The following LIMD1 variants were observed in gnomAD, a reference collection of about 807,000 sequenced individuals.
LIMD1 encodes LIM domain-containing protein 1.
In LIMD1, 23 loss-of-function variants were observed where a neutral mutation model predicts 58.4. The observed-to-expected ratio is 0.39, with a 90% CI of 0.28 to 0.56. LIMD1 has a LOEUF of 0.56. Ranked by LOEUF, LIMD1 falls within the 20% of genes least tolerant of loss-of-function variation. The probability of loss-of-function intolerance (pLI) is 0.57; values close to 1 mark genes in which losing one functional copy is unlikely to be tolerated. For synonymous variants in LIMD1, 334 were observed against 345.5 expected (o/e 0.97, Z 0.37); for missense variants, 838 against 855.5 (o/e 0.98, Z 0.25).
Position 45,655,935 on chromosome 3 carries a change from C to T in LIMD1, c.1511-9715C>T, listed in dbSNP as rs529167247. Reference sequence around the variant, plus strand: ...CCCTGGAAGGACTGAACGTTTATACCGCCCCCTCACAAATCCTTATGTTGA... The same window carrying T: ...CCCTGGAAGGACTGAACGTTTATACTGCCCCCTCACAAATCCTTATGTTGA... On this transcript the variant is annotated intron_variant, in intron 2 of 7. Coordinates refer to ENST00000273317, the MANE Select transcript of LIMD1 (RefSeq NM_014240.3). 9.9e-5 allele frequency among the ~76,000 whole-genome samples: 15 copies of T among 152,274 alleles called. No homozygotes were observed. In the South Asian group the frequency reaches 2.3e-3, roughly 23 times the overall value.
rs368995493 is a variant in LIMD1 at position 45,595,515 on chromosome 3, G to A, written c.636G>A (p.Pro212=). 2.2e-5 allele frequency: 36 copies of A among 1,613,778 alleles called. No homozygotes were observed. In the African/African-American group the frequency reaches 2.9e-4, roughly 13 times the overall value. Residue 212 remains proline, a synonymous_variant, in exon 1 of 8, where the codon CCG becomes CCA. Transcript: ENST00000273317. ...TAGGGAGTGGGTGGCCTAGCTCCCC[G>A]GGGAGTGACCCACCACTGCCCAAAC... ...LSVGSGWPSS[P]GSDPPLPKPC...
intron 1 of LIMD1, among the ~76,000 whole-genome samples, chr3:45,626,283 C>G (rs983776915): frequency 2.0e-5 from 3 of 152,146 alleles, no homozygotes; most frequent in African/African-American, 7.2e-5. Flanking sequence ...ACACAAAAAC[C>G]TGCACACGAA....
At chr3:45,649,702 ATG>A (rs773586544) in intron 2 of LIMD1, among the ~76,000 whole-genome samples, 26,283 of 143,226 alleles carry the variant, frequency 0.18, 2,808 homozygotes, top group Non-Finnish European at 0.25. Flanking sequence ...AATTATATAT[ATG>A]TATACATATA....
intron 1 of LIMD1, among the ~76,000 whole-genome samples, chr3:45,602,644 T>C (rs1050157698): frequency 3.3e-5 from 5 of 152,084 alleles, no homozygotes; most frequent in Admixed American, 1.3e-4. Context: ...CCTGTCTTAC[T>C]TGATTTTACT....
Position 45,685,586 on chromosome 3 carries a change from G to C in LIMD1, c.*8527G>C, listed in dbSNP as rs966571092. 1 of 152,224 alleles carries C rather than the reference G, an allele frequency of 6.6e-6. No homozygotes were observed. Among genetic ancestry groups the C allele is most frequent in the African/African-American group, 2.4e-5 (1 of 41,436 alleles). 9.4% of individuals were successfully genotyped at this position (152,224 alleles called of 1,614,324 possible). On this transcript the variant is annotated 3_prime_UTR_variant, in exon 8 of 8. Transcript: ENST00000273317. ...TGTTGCTAATTAGTAGGGGTGAGGG[G>C]TAAGTGGCAGATGTGACTGCCGTCC...
chr3:45,654,876 CT>C (rs1239891271), intron 2 of LIMD1, among the ~76,000 whole-genome samples: 1 of 144,804 alleles, frequency 6.9e-6, no homozygotes, highest in African/African-American at 2.5e-5. Flanking sequence ...CAGGAAGTGT[CT>C]TTTTGGAGTG....
chr3:45,632,610 A>G (rs922281053), intron 1 of LIMD1: 6 of 929,450 alleles, frequency 6.5e-6, no homozygotes, highest in Non-Finnish European at 7.7e-6. Flanking sequence ...ATGTGATTCA[A>G]CTCACACTTG....
chr3:45,652,334 A>C (rs751009251), intron 2 of LIMD1, among the ~76,000 whole-genome samples: 3 of 152,226 alleles, frequency 2.0e-5, no homozygotes, highest in African/African-American at 4.8e-5. Flanking sequence ...AACATATTGA[A>C]TATAGAAACA....
chr3:45,655,675 C>T (rs1702020500), intron 2 of LIMD1, among the ~76,000 whole-genome samples: 1 of 152,182 alleles, frequency 6.6e-6, no homozygotes, highest in Non-Finnish European at 1.5e-5. Context: ...AACAAACTCA[C>T]CTGGTGGTTC....
At chr3:45,663,888 T>G (rs1697476577) in intron 2 of LIMD1, among the ~76,000 whole-genome samples, 1 of 142,286 alleles carries the variant, frequency 7.0e-6, no homozygotes, top group African/African-American at 2.9e-5. Flanking sequence ...TTTTTTTTTT[T>G]GAGACAGAGT....
chr3:45,668,446 T>G, intron 4 of LIMD1, 90 bp downstream of exon 4: 1 of 1,040,032 alleles, frequency 9.6e-7, no homozygotes, highest in Non-Finnish European at 1.4e-6. Context: ...AGGACAGTGT[T>G]TCTTATCTTG....
intron 2 of LIMD1, among the ~76,000 whole-genome samples, chr3:45,655,965 C>G (rs1337089821): frequency 6.6e-6 from 1 of 152,220 alleles, no homozygotes; most frequent in Non-Finnish European, 1.5e-5. Context: ...TGTTGAATCT[C>G]TAATCCCAAC....
At chr3:45,628,705 T>C (rs73830448) in intron 1 of LIMD1, among the ~76,000 whole-genome samples, 4,525 of 152,318 alleles carry the variant, frequency 0.03, 236 homozygotes, top group African/African-American at 0.1. Context: ...CAAACGCTTG[T>C]ACACAAATCT....
In LIMD1 at chr3:45,594,789, A is replaced by ACACACACACACACACACACACACACAC. The variant is rs1559510523; in HGVS notation, c.-90_-64dup. The ACACACACACACACACACACACACACAC allele has an allele frequency of 4.5e-4, 34 of 75,774 alleles. No individual in the cohort carries two copies. The highest frequency in any genetic ancestry group is 2.5e-3 in the East Asian group (4 of 1,622). The allele number at this position is 75,774 out of a possible 1,614,324, so 4.7% of individuals were successfully genotyped here. A position where few individuals can be genotyped will look rare whatever the true frequency, so the allele number is the denominator to read the frequency against. On this transcript the variant is annotated 5_prime_UTR_variant, in exon 1 of 8. Coordinates refer to ENST00000273317, the MANE Select transcript of LIMD1 (RefSeq NM_014240.3). Reference sequence around the variant, plus strand: ...TCCCCGCTGCCCTCAACACACACACACACACACACACACACACACACACAC... The same window carrying ACACACACACACACACACACACACACAC: ...TCCCCGCTGCCCTCAACACACACACACACACACACACACACACACACACACACCACACACACACACACACACACACAC...
intron 2 of LIMD1, among the ~76,000 whole-genome samples, chr3:45,655,226 T>C (rs537354826): frequency 2.0e-5 from 3 of 152,280 alleles, no homozygotes; most frequent in African/African-American, 7.2e-5. Context: ...GGCCTATCAG[T>C]CAATATTTTA....
At chr3:45,655,245 TG>T (rs1438151842) in intron 2 of LIMD1, among the ~76,000 whole-genome samples, 2 of 152,266 alleles carry the variant, frequency 1.3e-5, no homozygotes, top group Middle Eastern at 3.4e-3. Context: ...TATAAACGGC[TG>T]ATGTAAATAA....
chr3:45,619,740 G>A (rs1157073044), intron 1 of LIMD1, among the ~76,000 whole-genome samples: 4 of 152,014 alleles, frequency 2.6e-5, no homozygotes, highest in South Asian at 4.2e-4. Context: ...CGGAGGTTGT[G>A]GTGAGCTGAG....
chr3:45,639,741 C>T (rs1203310990), intron 2 of LIMD1, among the ~76,000 whole-genome samples: 5 of 152,202 alleles, frequency 3.3e-5, no homozygotes, highest in African/African-American at 1.2e-4. Flanking sequence ...CGGCTTACCG[C>T]AACCTCCGCC....
Position 45,685,435 on chromosome 3 carries a change from C to T in LIMD1, c.*8376C>T, listed in dbSNP as rs959825422. ...GGCAGTTGCTCATATGGAAGCATTT[C>T]TTTTCCCCCTAAAGCCTATGAGACA... On this transcript the variant is annotated 3_prime_UTR_variant, in exon 8 of 8. Transcript: ENST00000273317. The T allele has an allele frequency of 1.3e-5, 2 of 152,236 alleles. No homozygotes were observed. Among genetic ancestry groups the T allele is most frequent in the African/African-American group, 2.4e-5 (1 of 41,458 alleles). 9.4% of individuals were successfully genotyped at this position (152,236 alleles called of 1,614,324 possible).
Sources: allele counts gnomAD v4.1 joint callset (sites outside exome capture counted in the v4.1 genomes callset), GRCh38; gene constraint gnomAD v4.1.1; transcripts MANE v1.5; gene names NCBI Gene and HGNC (gene_info 2026-07-23, HGNC 2026-07-21).